The following DLGAP1 variants were observed in gnomAD, a reference collection of about 807,000 sequenced individuals.
DLGAP1 encodes disks large-associated protein 1.
In DLGAP1, 11 loss-of-function variants were observed where a neutral mutation model predicts 90.8. That is an observed-to-expected ratio of 0.12 (90% CI 0.08 to 0.20). The LOEUF is 0.20. Among genes scored for constraint, DLGAP1 ranks in the 10% least tolerant of loss-of-function variants. The pLI is 1.00. For missense variants in DLGAP1, 1,050 were observed against 1,333.8 expected, an observed-to-expected ratio of 0.79 and a Z score of 3.31; for synonymous variants, 558 against 540.7, an observed-to-expected ratio of 1.03 and a Z score of -0.44.
At chr18:3,642,422 A>C (rs2058972919) in intron 7 of DLGAP1, among the ~76,000 whole-genome samples, 1 of 152,218 alleles carries the variant, frequency 6.6e-6, no homozygotes, top group South Asian at 2.1e-4. Context: ...TGGCATATGT[A>C]AATGTGAGAT....
At chr18:4,092,253 A>T (rs1332440329) in intron 2 of DLGAP1, among the ~76,000 whole-genome samples, 1 of 152,086 alleles carries the variant, frequency 6.6e-6, no homozygotes, top group Non-Finnish European at 1.5e-5. Flanking sequence ...TGCTCTCCCC[A>T]CTCAGAAGTA....
intron 1 of DLGAP1, among the ~76,000 whole-genome samples, chr18:4,265,103 TTTCCTTCCTTCC>T (rs150589333): frequency 7.2e-6 from 1 of 139,602 alleles, no homozygotes; most frequent in South Asian, 2.2e-4. Flanking sequence ...TAATGTAATT[TTTCCTTCCTTCC>T]TTCCTTCCTT....
At chr18:4,053,785 C>A (rs2075172318) in intron 2 of DLGAP1, among the ~76,000 whole-genome samples, 1 of 152,062 alleles carries the variant, frequency 6.6e-6, no homozygotes, top group Non-Finnish European at 1.5e-5. Context: ...GTTCTTTATA[C>A]CAATGTGAGA....
At chr18:3,934,599 G>A (rs919344027) in intron 3 of DLGAP1, among the ~76,000 whole-genome samples, 27 of 152,130 alleles carry the variant, frequency 1.8e-4, no homozygotes, top group African/African-American at 6.5e-4. Context: ...GGTGACATAA[G>A]AGTATACATA....
intron 4 of DLGAP1, among the ~76,000 whole-genome samples, chr18:3,862,234 G>A (rs1168326293): frequency 6.6e-6 from 1 of 152,214 alleles, no homozygotes; most frequent in East Asian, 1.9e-4. Context: ...GAGGGGCCCT[G>A]TCTGAACGGC....
In DLGAP1 at chr18:3,551,645, T is replaced by TCA. The variant is rs1377086781; in HGVS notation, c.2057+15844_2057+15845insTG. 1.1e-4 allele frequency among the ~76,000 whole-genome samples: 3 copies of TCA among 26,186 alleles called. 1 individual carries two copies. Among genetic ancestry groups the TCA allele is most frequent in the Admixed American group, 5.2e-4 (1 of 1,934 alleles). The allele number at this position is 26,186 out of a possible 152,430, so 17.2% of individuals were successfully genotyped here. On this transcript the variant is annotated intron_variant, in intron 9 of 12. Transcript: ENST00000315677. ...TTTCTTTCTTTCTTTCCTTCCTTTCTCTCTCTCTTTGTCTCTTTCCTTCTT... is the reference window on the plus strand; with the variant it reads ...TTTCTTTCTTTCTTTCCTTCCTTTCTCACTCTCTCTTTGTCTCTTTCCTTCTT...
At chr18:3,903,328 C>A (rs1411832517) in intron 3 of DLGAP1, among the ~76,000 whole-genome samples, 3 of 152,108 alleles carry the variant, frequency 2.0e-5, no homozygotes, top group Admixed American at 6.5e-5. Context: ...ATCACAGAAA[C>A]CTACCTCCTT....
intron 1 of DLGAP1, among the ~76,000 whole-genome samples, chr18:4,233,992 T>G (rs190189732): frequency 7.2e-5 from 11 of 152,250 alleles, no homozygotes; most frequent in Non-Finnish European, 1.5e-4. Context: ...AATATTTAAA[T>G]ATCTTAATTT....
intron 7 of DLGAP1, among the ~76,000 whole-genome samples, chr18:3,608,567 C>A (rs1406800943): frequency 6.6e-6 from 1 of 152,120 alleles, no homozygotes; most frequent in Non-Finnish European, 1.5e-5. Context: ...TGTGTTGGGG[C>A]TCAGAACATA....
chr18:3,600,435 C>T (rs1472229158), intron 7 of DLGAP1, among the ~76,000 whole-genome samples: 1 of 151,894 alleles, frequency 6.6e-6, no homozygotes, highest in Admixed American at 6.6e-5. Flanking sequence ...GGGGTTTCAC[C>T]ATGTTGGCCA....
chr18:4,035,131 T>A (rs2074867581), intron 2 of DLGAP1, among the ~76,000 whole-genome samples: 1 of 152,220 alleles, frequency 6.6e-6, no homozygotes, highest in South Asian at 2.1e-4. Context: ...AGTGCCGCAA[T>A]AAACATACAC....
At chr18:3,941,352 C>A (rs929382419) in intron 3 of DLGAP1, among the ~76,000 whole-genome samples, 5 of 152,126 alleles carry the variant, frequency 3.3e-5, no homozygotes, top group Non-Finnish European at 5.9e-5. Flanking sequence ...GGCCTGGCTG[C>A]AGTTCAGGCT....
At chr18:3,979,996 C>T (rs1033189465) in intron 3 of DLGAP1, among the ~76,000 whole-genome samples, 8 of 151,992 alleles carry the variant, frequency 5.3e-5, no homozygotes, top group Non-Finnish European at 1.0e-4. Context: ...ATTAGCCAGG[C>T]GTGGTGGCAG....
chr18:4,291,699 T>G (rs754129111), intron 1 of DLGAP1, among the ~76,000 whole-genome samples: 1 of 152,178 alleles, frequency 6.6e-6, no homozygotes, highest in Non-Finnish European at 1.5e-5. Context: ...TATGTCTCAC[T>G]ATTAATTTAT....
intron 1 of DLGAP1, among the ~76,000 whole-genome samples, chr18:4,303,648 T>C (rs1484067703): frequency 6.6e-6 from 1 of 152,196 alleles, no homozygotes; most frequent in Non-Finnish European, 1.5e-5. Context: ...CCTCCCTAAC[T>C]CATCATCTCA....
At chr18:4,425,817 TG>T (rs2083139614) in intron 1 of DLGAP1, among the ~76,000 whole-genome samples, 1 of 152,158 alleles carries the variant, frequency 6.6e-6, no homozygotes, top group Non-Finnish European at 1.5e-5. Flanking sequence ...TCCCCCAATA[TG>T]ACCATATCTT....
At chr18:3,612,401 A>G (rs1419208913) in intron 7 of DLGAP1, among the ~76,000 whole-genome samples, 1 of 152,218 alleles carries the variant, frequency 6.6e-6, no homozygotes. Context: ...GGCATACAGT[A>G]ACAACAGCCA....
rs1384378695 is a variant in DLGAP1, at chr18:4,367,252, C to G, written c.-267+87754G>C. On this transcript the variant is annotated intron_variant, in intron 1 of 12. Transcript: ENST00000315677. ...GAACTTGCGTAGTATAACTTCAGAA[C>G]AGTTAGTGCACATATCGTTTTCAGA... 4.0e-5 allele frequency among the ~76,000 whole-genome samples: 6 copies of G among 151,540 alleles called. No individual in the cohort carries two copies. In the East Asian group the frequency reaches 7.7e-4, roughly 20 times the overall value.
intron 5 of DLGAP1, among the ~76,000 whole-genome samples, chr18:3,801,287 C>A (rs1471832587): frequency 6.6e-6 from 1 of 152,182 alleles, no homozygotes; most frequent in Non-Finnish European, 1.5e-5. Context: ...TACCACCTGT[C>A]CTTGGTTGGC....
Sources: gnomAD v4.1 joint callset for allele counts (sites outside exome capture counted in the v4.1 genomes callset) on GRCh38, gnomAD v4.1.1 for gene constraint, MANE v1.5 for transcripts, NCBI Gene and HGNC (gene_info 2026-07-23, HGNC 2026-07-21) for gene names.